ASZ1: variants seen among roughly 807,000 people sequenced by gnomAD.
ASZ1 encodes the protein ankyrin repeat, SAM and basic leucine zipper domain-containing protein 1.
A neutral mutation model predicts 61.8 loss-of-function variants in ASZ1; 67 were observed. The observed-to-expected ratio is 1.08, with a 90% CI of 0.89 to 1.33. The LOEUF is 1.33. ASZ1 is among the 40% of genes most tolerant of loss of function. The probability of loss-of-function intolerance (pLI) is 0.00; values close to 1 mark genes in which losing one functional copy is unlikely to be tolerated. For synonymous variants in ASZ1, 193 were observed against 192.7 expected (o/e 1.00, Z -0.01); for missense variants, 577 against 554.5 (o/e 1.04, Z -0.41).
chr7:117,426,088 T>C (rs1420951279), intron 2 of ASZ1, among the ~76,000 whole-genome samples: 1 of 152,080 alleles, frequency 6.6e-6, no homozygotes, highest in African/African-American at 2.4e-5. Flanking sequence ...GAAGAAATTA[T>C]CCATATATTT....
chr7:117,375,992 C>T (rs2116457824), intron 10 of ASZ1, among the ~76,000 whole-genome samples: 1 of 151,262 alleles, frequency 6.6e-6, no homozygotes, highest in East Asian at 1.9e-4. Flanking sequence ...ACACTAAAAG[C>T]AAAAACAATA....
intron 2 of ASZ1, among the ~76,000 whole-genome samples, chr7:117,423,728 G>C (rs570244304): frequency 6.3e-4 from 95 of 150,678 alleles, no homozygotes; most frequent in African/African-American, 2.2e-3. Context: ...CAGGCGTGGT[G>C]GTGGGTGCCT....
In ASZ1 at chr7:117,423,503, A is replaced by C. The variant is rs540226203; in HGVS notation, c.206-1144T>G. Reference sequence around the variant, plus strand: ...TCATTGTTTTCTCAATTTATTGAGAATACTGCTCAAACTGTGATAGCAAAG... The same window carrying C: ...TCATTGTTTTCTCAATTTATTGAGACTACTGCTCAAACTGTGATAGCAAAG... On this transcript the variant is annotated intron_variant, in intron 2 of 12. Coordinates refer to ENST00000284629, the MANE Select transcript of ASZ1 (RefSeq NM_130768.3). Among the ~76,000 whole-genome samples, 3 of 152,126 alleles carry C rather than the reference A, an allele frequency of 2.0e-5. No individual in the cohort carries two copies. In the South Asian group the frequency reaches 6.2e-4, roughly 32 times the overall value.
chr7:117,368,024 G>T, intron 11 of ASZ1: 1 of 388,508 alleles, frequency 2.6e-6, no homozygotes, highest in Non-Finnish European at 3.5e-6. Flanking sequence ...TAGGACCACA[G>T]GTGCATGCCA....
chr7:117,426,153 C>A (rs1025046432), intron 2 of ASZ1, among the ~76,000 whole-genome samples: 58 of 151,904 alleles, frequency 3.8e-4, no homozygotes, highest in African/African-American at 1.4e-3. Context: ...AAAACTGTAA[C>A]GAGAAAGAAC....
At chr7:117,425,538 G>A (rs1797186070) in intron 2 of ASZ1, among the ~76,000 whole-genome samples, 1 of 151,738 alleles carries the variant, frequency 6.6e-6, no homozygotes, top group African/African-American at 2.4e-5. Context: ...AAAGTGCTGG[G>A]ATTACAGGCG....
intron 4 of ASZ1, among the ~76,000 whole-genome samples, chr7:117,386,553 T>C (rs138415047): frequency 6.6e-6 from 1 of 152,170 alleles, no homozygotes; most frequent in African/African-American, 2.4e-5. Context: ...CATAACATCA[T>C]GGTCTGTTTT....
At chr7:117,405,572 A>G (rs1796767287) in intron 4 of ASZ1, among the ~76,000 whole-genome samples, 1 of 152,338 alleles carries the variant, frequency 6.6e-6, no homozygotes, top group East Asian at 1.9e-4. Flanking sequence ...CATCAAGGAT[A>G]GCAGTCATTG....
chr7:117,398,080 G>A (rs527311134), intron 4 of ASZ1, among the ~76,000 whole-genome samples: 1 of 152,300 alleles, frequency 6.6e-6, no homozygotes, highest in African/African-American at 2.4e-5. Context: ...AGGTAAAATG[G>A]TTGGTCTTCA....
chr7:117,381,162 C>A (rs570934754), intron 8 of ASZ1, 95 bp from the exon 9 acceptor site: 1 of 1,134,810 alleles, frequency 8.8e-7, no homozygotes, highest in Non-Finnish European at 1.3e-6. Context: ...TTGCTTCACT[C>A]TGAAGCAAAT....
chr7:117,375,564 G>A (rs1796121504), intron 10 of ASZ1, among the ~76,000 whole-genome samples: 1 of 151,966 alleles, frequency 6.6e-6, no homozygotes, highest in Admixed American at 6.6e-5. Context: ...AAATCTTAAT[G>A]CTCTATGTCT....
In ASZ1 at chr7:117,379,154, TATATATATATATATACACACACACAC is replaced by T. The variant is rs1215557801; in HGVS notation, c.1055+758_1055+783del. Among the ~76,000 whole-genome samples the T allele has an allele frequency of 2.3e-3, 236 of 103,418 alleles. 3 individuals are homozygous for T. Among genetic ancestry groups the T allele is most frequent in the African/African-American group, 0.011 (233 of 21,520 alleles). The allele number at this position is 103,418 out of a possible 152,430, so 67.8% of individuals were successfully genotyped here. A position where few individuals can be genotyped will look rare whatever the true frequency, so the allele number is the denominator to read the frequency against. On this transcript the variant is annotated intron_variant, in intron 10 of 12. Coordinates refer to ENST00000284629, the MANE Select transcript of ASZ1 (RefSeq NM_130768.3). ...AAAATTATATATATATATATATATA[TATATATATATATATACACACACACAC>T]ACACACACACACACAAATGAGTGCA...
chr7:117,416,643 A>G (rs559946130), intron 4 of ASZ1, among the ~76,000 whole-genome samples: 5 of 152,308 alleles, frequency 3.3e-5, no homozygotes, highest in South Asian at 2.1e-4. Context: ...AAGAGACACA[A>G]TGGAACTTTC....
intron 4 of ASZ1, among the ~76,000 whole-genome samples, chr7:117,406,249 T>C (rs1796779784): frequency 6.6e-6 from 1 of 152,146 alleles, no homozygotes; most frequent in Non-Finnish European, 1.5e-5. Flanking sequence ...TAAAAATACA[T>C]TCAAAATAAA....
intron 4 of ASZ1, among the ~76,000 whole-genome samples, chr7:117,400,071 A>C (rs949510129): frequency 6.6e-6 from 1 of 152,224 alleles, no homozygotes; most frequent in Non-Finnish European, 1.5e-5. Flanking sequence ...ATATATTTTC[A>C]CAATGATGTA....
At chr7:117,426,325 CA>C (rs572393412) in intron 2 of ASZ1, among the ~76,000 whole-genome samples, 244 of 129,002 alleles carry the variant, frequency 1.9e-3, no homozygotes, top group Middle Eastern at 4.2e-3. Context: ...ATTAAAAATA[CA>C]AAAAAAAAAA....
At chr7:117,418,652 CAAA>C (rs5886857) in intron 4 of ASZ1, among the ~76,000 whole-genome samples, 98 of 139,696 alleles carry the variant, frequency 7.0e-4, no homozygotes, top group Middle Eastern at 4.1e-3. Context: ...GACTCCATCT[CAAA>C]AAAAAAAAAA....
At chr7:117,384,911 G>A (rs1179834610) in intron 5 of ASZ1, 51 bp from the exon 6 acceptor site, 1 of 1,455,886 alleles carries the variant, frequency 6.9e-7, no homozygotes, top group Admixed American at 2.6e-5. Context: ...GTGTATATGA[G>A]ACAGACAGGA....
chr7:117,373,951 CT>C (rs1462726401), intron 10 of ASZ1, among the ~76,000 whole-genome samples: 4 of 151,972 alleles, frequency 2.6e-5, no homozygotes, highest in Non-Finnish European at 5.9e-5. Flanking sequence ...AGAAGGTGTG[CT>C]GATTTTTAAG....
Sources: allele counts gnomAD v4.1 joint callset (sites outside exome capture counted in the v4.1 genomes callset), GRCh38; gene constraint gnomAD v4.1.1; transcripts MANE v1.5; gene names NCBI Gene and HGNC (gene_info 2026-07-23, HGNC 2026-07-21).